Variants in MMS22L observed in about 807,000 individuals in gnomAD.
MMS22L encodes the protein protein MMS22-like.
A neutral mutation model predicts 159.1 loss-of-function variants in MMS22L; 74 were observed. The ratio of observed to expected loss-of-function variants is 0.47; its 90% CI spans 0.39 to 0.56. MMS22L has a LOEUF of 0.56. Ranked by LOEUF, MMS22L falls within the 20% of genes least tolerant of loss-of-function variation. The pLI is 0.00. For synonymous variants in MMS22L, 517 were observed against 506.9 expected (o/e 1.02, Z -0.27); for missense variants, 1,351 against 1,422.1 (o/e 0.95, Z 0.80).
chr6:97,148,387 A>C (rs1458261322), intron 24 of MMS22L, among the ~76,000 whole-genome samples: 1 of 152,182 alleles, frequency 6.6e-6, no homozygotes, highest in African/African-American at 2.4e-5. Flanking sequence ...CAGGTCCTTC[A>C]GGAGGTATTC....
intron 14 of MMS22L, among the ~76,000 whole-genome samples, chr6:97,198,280 A>C (rs970875855): frequency 2.0e-5 from 3 of 152,108 alleles, no homozygotes; most frequent in Non-Finnish European, 4.4e-5. Flanking sequence ...ACTGAAGAAG[A>C]AGCCATCTAG....
chr6:97,177,610 C>T (rs767675826), intron 18 of MMS22L, among the ~76,000 whole-genome samples: 2 of 152,084 alleles, frequency 1.3e-5, no homozygotes, highest in Non-Finnish European at 2.9e-5. Context: ...GGTTCAGATC[C>T]AATCAACAAC....
chr6:97,174,380 A>T (rs1803909902), intron 18 of MMS22L, among the ~76,000 whole-genome samples: 1 of 152,162 alleles, frequency 6.6e-6, no homozygotes, highest in Non-Finnish European at 1.5e-5. Flanking sequence ...ACCAATACAA[A>T]CAGTTCTGTG....
chr6:97,222,387 G>A (rs1809749699), intron 14 of MMS22L, among the ~76,000 whole-genome samples: 1 of 151,980 alleles, frequency 6.6e-6, no homozygotes, highest in Non-Finnish European at 1.5e-5. Context: ...AGAAGTTGTA[G>A]TTCAGCACAC....
rs74737998 is a variant in MMS22L, at chr6:97,143,754, A to T, written c.*3052T>A. ...TATTCCCTGGGTAGAAAATGAAAGCAGGAGGTAGTCTGAGATTTCAGGAGA... is the reference window on the plus strand; with the variant it reads ...TATTCCCTGGGTAGAAAATGAAAGCTGGAGGTAGTCTGAGATTTCAGGAGA... On this transcript the variant is annotated 3_prime_UTR_variant, in exon 25 of 25. Coordinates refer to ENST00000683635, the MANE Select transcript of MMS22L (RefSeq NM_001350599.2). The T allele has an allele frequency of 5.3e-3, 810 of 152,304 alleles. 1 individual carries two copies. The highest frequency in any genetic ancestry group is 9.0e-3 in the Non-Finnish European group (614 of 68,068). The allele number at this position is 152,304 out of a possible 1,614,324, so 9.4% of individuals were successfully genotyped here.
chr6:97,149,555 G>A (rs1801115729), intron 24 of MMS22L, among the ~76,000 whole-genome samples: 1 of 152,080 alleles, frequency 6.6e-6, no homozygotes, highest in African/African-American at 2.4e-5. Flanking sequence ...TTCCCAATGA[G>A]GAACACTGAA....
rs1054060761 is a variant in MMS22L, at chr6:97,254,354, T to A, written c.1119+203A>T. On this transcript the variant is annotated intron_variant, in intron 10 of 24. Coordinates refer to ENST00000683635, the MANE Select transcript of MMS22L (RefSeq NM_001350599.2). ...GGCCAGGACTACATACCAAATCTTC[T>A]ACAAGTAATTTTTTTTAATTAAACA... The A allele has an allele frequency of 5.8e-6, 3 of 517,938 alleles. No individual in the cohort carries two copies. The East Asian group carries it at 1.1e-4, about 18-fold the overall frequency. The allele number at this position is 517,938 out of a possible 1,614,324, so 32.1% of individuals were successfully genotyped here.
chr6:97,164,236 C>T (rs1802732721), intron 21 of MMS22L, among the ~76,000 whole-genome samples: 1 of 151,506 alleles, frequency 6.6e-6, no homozygotes, highest in Admixed American at 6.6e-5. Context: ...TAACAGGACA[C>T]TAAGAACTCA....
chr6:97,268,111 ATT>A (rs951897220), intron 7 of MMS22L, 109 bp from the exon 8 acceptor site: 17 of 768,962 alleles, frequency 2.2e-5, no homozygotes, highest in Non-Finnish European at 3.1e-5. Flanking sequence ...ACAGTTTTTA[ATT>A]TTTTTTTGCA....
intron 15 of MMS22L, among the ~76,000 whole-genome samples, chr6:97,182,327 C>A (rs574720469): frequency 6.6e-6 from 1 of 152,232 alleles, no homozygotes; most frequent in East Asian, 1.9e-4. Context: ...CCTCTAATTA[C>A]AAATTCTATG....
At position 97,228,915 on chromosome 6, in the gene MMS22L, T is replaced by C; in HGVS notation, c.2018A>G (p.Gln673Arg). The stretch of plus-strand genomic sequence containing the variant: ...ATACCTGATTCTGGCCAGAACAGCT[T>C]GTAGGAAGCTCAATACTGTCCTAAG... ...SELRTVLSFLQAVLARIRSMH... is the reference protein window; with the variant it reads ...SELRTVLSFLRAVLARIRSMH... The change falls in exon 14 of 25, where the codon CAA becomes CGA. Residue 673 changes from glutamine (Q) to arginine (R), a missense_variant. By Grantham distance (43) the Gln-to-Arg change is conservative. Coordinates refer to ENST00000683635, the MANE Select transcript of MMS22L (RefSeq NM_001350599.2). The C allele has an allele frequency of 6.2e-7, 1 of 1,613,546 alleles. No individual in the cohort carries two copies. Among genetic ancestry groups the C allele is most frequent in the Non-Finnish European group, 8.5e-7 (1 of 1,179,634 alleles).
At chr6:97,281,162 T>G in intron 3 of MMS22L, 75 bp downstream of exon 3, 1 of 1,435,770 alleles carries the variant, frequency 7.0e-7, no homozygotes, top group South Asian at 1.4e-5. Flanking sequence ...ATATCAGTAT[T>G]AGAAGCCACC....
At chr6:97,192,402 AAAC>A (rs1374826032) in intron 14 of MMS22L, among the ~76,000 whole-genome samples, 2 of 152,148 alleles carry the variant, frequency 1.3e-5, no homozygotes, top group Non-Finnish European at 2.9e-5. Context: ...TGACTCTGGA[AAAC>A]TACTAAGCCT....
In MMS22L at chr6:97,185,550, A is replaced by G. The variant is rs1805138557; in HGVS notation, c.2233+947T>C. 2.6e-5 allele frequency among the ~76,000 whole-genome samples: 4 copies of G among 152,268 alleles called. No homozygotes were observed. The South Asian group carries it at 8.3e-4, about 32-fold the overall frequency. ...ATTAATGACTGCTTAAACTGGCTGAATATCAATATTTATTTTCATAGACAT... is the reference window on the plus strand; with the variant it reads ...ATTAATGACTGCTTAAACTGGCTGAGTATCAATATTTATTTTCATAGACAT... On this transcript the variant is annotated intron_variant, in intron 15 of 24. Transcript: ENST00000683635.
At chr6:97,259,667 ACT>A (rs1394827388) in intron 9 of MMS22L, 2 of 149,130 alleles carry the variant, frequency 1.3e-5, no homozygotes, top group African/African-American at 4.9e-5. Context: ...GGCCTCCATA[ACT>A]CTGCGAGCCA....
At chr6:97,199,105 C>A (rs1206687804) in intron 14 of MMS22L, among the ~76,000 whole-genome samples, 4 of 152,142 alleles carry the variant, frequency 2.6e-5, no homozygotes, top group African/African-American at 4.8e-5. Flanking sequence ...CTAATGACAA[C>A]TGCAATCATT....
intron 14 of MMS22L, among the ~76,000 whole-genome samples, chr6:97,222,251 T>C (rs945052936): frequency 2.0e-5 from 3 of 151,842 alleles, no homozygotes; most frequent in Non-Finnish European, 4.4e-5. Context: ...ACACTTCAAA[T>C]GTCAAAACAG....
chr6:97,270,625 T>C (rs76989217), intron 6 of MMS22L: 1 of 168,810 alleles, frequency 5.9e-6, no homozygotes, highest in Non-Finnish European at 1.3e-5. Context: ...TGACATAACA[T>C]GTTCCATTAA....
intron 15 of MMS22L, among the ~76,000 whole-genome samples, chr6:97,185,408 CT>C (rs1309253258): frequency 6.6e-6 from 1 of 152,108 alleles, no homozygotes; most frequent in Non-Finnish European, 1.5e-5. Flanking sequence ...ACATATTTTG[CT>C]TTCTATTTAT....
Sources: gnomAD v4.1 joint callset for allele counts (sites outside exome capture counted in the v4.1 genomes callset) on GRCh38, gnomAD v4.1.1 for gene constraint, MANE v1.5 for transcripts, NCBI Gene and HGNC (gene_info 2026-07-23, HGNC 2026-07-21) for gene names.